Variants in CDK5RAP2 observed in about 807,000 individuals in gnomAD.
The protein encoded by CDK5RAP2 is CDK5 regulatory subunit-associated protein 2.
In CDK5RAP2, 147 loss-of-function variants were observed where a neutral mutation model predicts 232.9. That is an observed-to-expected ratio of 0.63 (90% CI 0.55 to 0.72). CDK5RAP2 has a LOEUF of 0.72. Among genes scored for constraint, CDK5RAP2 ranks in the 30% least tolerant of loss-of-function variants. The pLI is 0.00. For missense variants in CDK5RAP2, 2,195 were observed against 2,231.5 expected (o/e 0.98, Z 0.33); for synonymous variants, 833 against 833.7 (o/e 1.00, Z 0.01).
intron 2 of CDK5RAP2, 41 bp downstream of exon 2, chr9:120,571,932 CT>C (rs1298260983): frequency 9.2e-6 from 14 of 1,513,560 alleles, no homozygotes; most frequent in Non-Finnish European, 1.1e-5. Context: ...GTCTACTTTC[CT>C]TGTTCTTTAC....
intron 25 of CDK5RAP2, among the ~76,000 whole-genome samples, chr9:120,428,272 G>A (rs2035045446): frequency 6.6e-6 from 1 of 152,076 alleles, no homozygotes; most frequent in South Asian, 2.1e-4. Context: ...AGAACTGAAG[G>A]AAATAGAGAC....
Position 120,511,914 on chromosome 9 carries a change from T to C in CDK5RAP2, c.1311+6513A>G, listed in dbSNP as rs180921207. On this transcript the variant is annotated intron_variant, in intron 12 of 37. Transcript: ENST00000349780. Reference sequence around the variant, plus strand: ...CACCACACCCAGCTAATTTTTGTATTTTTAGTCGATACAGGATTTCACCAT... The same window carrying C: ...CACCACACCCAGCTAATTTTTGTATCTTTAGTCGATACAGGATTTCACCAT... Among the ~76,000 whole-genome samples the C allele has an allele frequency of 2.6e-5, 4 of 152,160 alleles. No individual in the cohort carries two copies. In the East Asian group the frequency reaches 7.8e-4, roughly 30 times the overall value.
intron 27 of CDK5RAP2, among the ~76,000 whole-genome samples, chr9:120,417,020 T>C (rs1278140342): frequency 6.6e-6 from 1 of 152,242 alleles, no homozygotes; most frequent in Non-Finnish European, 1.5e-5. Context: ...TAGCTCTCGC[T>C]GCAGCACAGC....
intron 18 of CDK5RAP2, among the ~76,000 whole-genome samples, chr9:120,463,817 T>C (rs1204016576): frequency 1.3e-5 from 2 of 152,236 alleles, no homozygotes; most frequent in East Asian, 1.9e-4. Context: ...TTTCCAGGAA[T>C]GGTCAAGAAA....
In CDK5RAP2 at chr9:120,579,979, G is replaced by A. The variant is rs773304649; in HGVS notation, c.-1C>T. On this transcript the variant is annotated 5_prime_UTR_variant, in exon 1 of 38. Coordinates refer to ENST00000349780, the MANE Select transcript of CDK5RAP2 (RefSeq NM_018249.6). ...CCTCTTCCAACACCAAGTCCATCAT[G>A]GCTACAGAGGTGGCGACAGCGTTGG... 1.2e-6 allele frequency: 2 copies of A among 1,607,384 alleles called. No homozygotes were observed. Among genetic ancestry groups the A allele is most frequent in the Admixed American group, 1.7e-5 (1 of 59,984 alleles).
rs2033198478 is a variant in CDK5RAP2 at position 120,403,315 on chromosome 9, C to T, written c.5042-244G>A. 1 of 519,868 alleles carries T rather than the reference C, an allele frequency of 1.9e-6. No individual in the cohort carries two copies. The highest frequency in any genetic ancestry group is 1.9e-5 in the African/African-American group (1 of 52,188). 32.2% of individuals were successfully genotyped at this position (519,868 alleles called of 1,614,324 possible). The stretch of plus-strand genomic sequence containing the variant: ...TCAACCAACACTTATCAACCACCCA[C>T]TCGGCAGAAGACCCCAGATTCACAA... On this transcript the variant is annotated intron_variant, in intron 33 of 37. Transcript: ENST00000349780. This position sits in a 1 kb window ranked among gnomAD's most constrained non-coding sequence, Gnocchi z 4.2.
intron 7 of CDK5RAP2, among the ~76,000 whole-genome samples, chr9:120,533,785 T>G (rs1288563120): frequency 8.2e-6 from 1 of 121,718 alleles, no homozygotes; most frequent in Non-Finnish European, 1.6e-5. Context: ...AGGACAGAGT[T>G]AAGACTCCAT....
chr9:120,402,881 T>A lies in CDK5RAP2; in HGVS notation c.5232A>T (p.Gly1744=). The A allele has an allele frequency of 6.2e-7, 1 of 1,614,112 alleles. No individual in the cohort carries two copies. Among genetic ancestry groups the A allele is most frequent in the Non-Finnish European group, 8.5e-7 (1 of 1,180,008 alleles). ...YEALLKQISQ[G]QRLLAEMDIQ... is the part of the protein sequence containing the mutation. ...TGTCCATTTCAGCAAGGAGCCTCTG[T>A]CCCTGGCTGATCTGTTTGAGCAGGG... Residue 1744 remains glycine, a synonymous_variant, in exon 34 of 38, where the codon GGA becomes GGT. Transcript: ENST00000349780.
chr9:120,545,628 A>C (rs2041809325), intron 5 of CDK5RAP2, 86 bp downstream of exon 5: 1 of 1,004,182 alleles, frequency 1.0e-6, no homozygotes, highest in African/African-American at 1.6e-5. Context: ...ATGGAAACCA[A>C]CTGTCTTAGA....
chr9:120,540,639 T>C (rs1009336610), intron 5 of CDK5RAP2, among the ~76,000 whole-genome samples: 20 of 152,244 alleles, frequency 1.3e-4, no homozygotes, highest in African/African-American at 4.6e-4. Flanking sequence ...GCTGGACAGA[T>C]CTGCTTCTAA....
At chr9:120,431,836 G>C (rs2035301768) in intron 25 of CDK5RAP2, among the ~76,000 whole-genome samples, 1 of 152,252 alleles carries the variant, frequency 6.6e-6, no homozygotes, top group South Asian at 2.1e-4. Context: ...AACTGCTCTT[G>C]GGAGGCACCA....
intron 4 of CDK5RAP2, among the ~76,000 whole-genome samples, chr9:120,547,921 C>T (rs2041909102): frequency 6.6e-6 from 1 of 152,196 alleles, no homozygotes; most frequent in South Asian, 2.1e-4. Flanking sequence ...AAACTAGAAG[C>T]ACAATACTTT....
intron 22 of CDK5RAP2, among the ~76,000 whole-genome samples, chr9:120,445,238 CT>C (rs1001293003): frequency 7.9e-5 from 12 of 152,332 alleles, no homozygotes; most frequent in African/African-American, 2.9e-4. Flanking sequence ...GTGTAAGTGT[CT>C]TTGCTCCTCG....
intron 3 of CDK5RAP2, among the ~76,000 whole-genome samples, chr9:120,556,522 G>A (rs192950526): frequency 6.6e-5 from 10 of 151,670 alleles, no homozygotes; most frequent in East Asian, 3.9e-4. Context: ...TCCGCCTCCC[G>A]GGTTCAAGCG....
At chr9:120,416,136 T>C (rs2034202131) in intron 27 of CDK5RAP2, among the ~76,000 whole-genome samples, 1 of 152,310 alleles carries the variant, frequency 6.6e-6, no homozygotes, top group Non-Finnish European at 1.5e-5. Context: ...CAAACAGTTC[T>C]GCAGCAGACA....
intron 28 of CDK5RAP2, among the ~76,000 whole-genome samples, chr9:120,411,903 G>A (rs1588264338): frequency 1.3e-5 from 2 of 152,078 alleles, no homozygotes; most frequent in African/African-American, 2.4e-5. Context: ...AGATGGTATC[G>A]CCACAATCCC....
At position 120,519,529 on chromosome 9, in the gene CDK5RAP2, C is replaced by T. The variant is rs1339502049; in HGVS notation, c.1093-884G>A. Among the ~76,000 whole-genome samples the T allele has an allele frequency of 2.0e-5, 3 of 152,136 alleles. No individual in the cohort carries two copies. In the East Asian group the frequency reaches 5.8e-4, roughly 29 times the overall value. ...AAATGCCTCAGAACAAAAACTATCA[C>T]AAAAGACTCTGTAAAAACCACAACC... On this transcript the variant is annotated intron_variant, in intron 11 of 37. Coordinates refer to ENST00000349780, the MANE Select transcript of CDK5RAP2 (RefSeq NM_018249.6).
chr9:120,518,194 TGTGTGTGTGTGTGTGTGAGAGAGA>T (rs1333975381), intron 12 of CDK5RAP2, among the ~76,000 whole-genome samples: 7 of 101,358 alleles, frequency 6.9e-5, no homozygotes, highest in East Asian at 3.8e-4. Flanking sequence ...TGTGTGTGTG[TGTGTGTGTGTGTGTGTGAGAGAGA>T]GAGAGAGAGA....
chr9:120,475,072 C>T (rs1328367483), intron 15 of CDK5RAP2, among the ~76,000 whole-genome samples: 1 of 152,212 alleles, frequency 6.6e-6, no homozygotes, highest in African/African-American at 2.4e-5. Flanking sequence ...AGTATTAGGT[C>T]TTTACACAGT....
Sources: allele counts gnomAD v4.1 joint callset (sites outside exome capture counted in the v4.1 genomes callset), GRCh38; gene constraint gnomAD v4.1.1; non-coding constraint Gnocchi (gnomAD v3.1); transcripts MANE v1.5; gene names NCBI Gene and HGNC (gene_info 2026-07-23, HGNC 2026-07-21).